IGSF10: variants seen among roughly 807,000 people sequenced by gnomAD.
The protein encoded by IGSF10 is calvaria mechanical force protein 608.
A neutral mutation model predicts 128.2 loss-of-function variants in IGSF10; 126 were observed. The observed-to-expected ratio is 0.98, with a 90% confidence interval of 0.85 to 1.14. The LOEUF (loss-of-function observed/expected upper bound fraction) is 1.14, where lower values mean the gene tolerates loss of function less well. IGSF10 is among the 50% of genes most tolerant of loss of function. The probability of loss-of-function intolerance (pLI) is 0.00; values close to 1 mark genes in which losing one functional copy is unlikely to be tolerated. For missense variants in IGSF10, 3,295 were observed against 3,149.8 expected, an observed-to-expected ratio of 1.05 and a Z score of -1.10; for synonymous variants, 1,185 against 1,146.2, an observed-to-expected ratio of 1.03 and a Z score of -0.68.
chr3:151,491,259 A>C, the IGSF10 span, among the ~76,000 whole-genome samples: 1 of 152,164 alleles, frequency 6.6e-6, no homozygotes, highest in African/African-American at 2.4e-5. Context: ...CAAATTGATA[A>C]ATTTCTAGGA....
At chr3:151,591,171 C>G in the IGSF10 span, among the ~76,000 whole-genome samples, 6 of 151,432 alleles carry the variant, frequency 4.0e-5, no homozygotes, top group Admixed American at 2.6e-4. Flanking sequence ...AGAAAAGATA[C>G]ATGTTGGCAT....
At chr3:151,450,399 A>G (rs533662719) in intron 5 of IGSF10, among the ~76,000 whole-genome samples, 71 of 152,268 alleles carry the variant, frequency 4.7e-4, no homozygotes, top group Non-Finnish European at 9.4e-4. Context: ...ATAGGGTCAA[A>G]TCTCCTTCCC....
chr3:151,617,256 C>T, the IGSF10 span, among the ~76,000 whole-genome samples: 2,552 of 86,922 alleles, frequency 0.029, 55 homozygotes, highest in African/African-American at 0.044. Context: ...CTCTTCTTCT[C>T]CTTCTCTTCT....
At chr3:151,617,309 TC>T in the IGSF10 span, among the ~76,000 whole-genome samples, 2 of 127,230 alleles carry the variant, frequency 1.6e-5, no homozygotes, top group East Asian at 4.7e-4. Context: ...TTCTTCTTCT[TC>T]TTCTTCTTCC....
Position 151,448,704 on chromosome 3 carries a change from G to T in IGSF10, c.1277C>A (p.Pro426His). 1 of 1,614,034 alleles carries T rather than the reference G, an allele frequency of 6.2e-7. No homozygotes were observed. The highest frequency in any genetic ancestry group is 8.5e-7 in the Non-Finnish European group (1 of 1,179,944). ...AATTTGGTCTTGCATTAACCAAGAG[G>T]GATCTGCTCTGAGATCTGCCTCTAT... The part of the protein sequence containing the change: ...TNIEADLRAD[P>H]SWLMQDQISL... Residue 426 changes from proline to histidine, a missense_variant, in exon 6 of 8, where the codon CCC becomes CAC. By Grantham distance (77) the Pro-to-His change is moderately conservative. Coordinates refer to ENST00000282466, the MANE Select transcript of IGSF10 (RefSeq NM_178822.5).
chr3:151,488,214 A>G, the IGSF10 span, among the ~76,000 whole-genome samples: 1 of 152,220 alleles, frequency 6.6e-6, no homozygotes, highest in Admixed American at 6.5e-5. Flanking sequence ...GTGAACTCCC[A>G]TTCACAATTG....
rs55730431 is a variant in IGSF10, at chr3:151,441,966, T to C, written c.5963+1018A>G. On this transcript the variant is annotated intron_variant, in intron 7 of 7. Transcript: ENST00000282466. Reference sequence around the variant, plus strand: ...GTCCCAGCTACTCAGGAGGCTGAGGTAGGAGAATGGCGTGAACCTGGGAGG... The same window carrying C: ...GTCCCAGCTACTCAGGAGGCTGAGGCAGGAGAATGGCGTGAACCTGGGAGG... Among the ~76,000 whole-genome samples, 199 of 152,098 alleles carry C rather than the reference T, an allele frequency of 1.3e-3. 1 individual carries two copies. The highest frequency in any genetic ancestry group is 1.9e-3 in the Admixed American group (29 of 15,284).
At chr3:151,493,839 G>T in the IGSF10 span, among the ~76,000 whole-genome samples, 2 of 117,432 alleles carry the variant, frequency 1.7e-5, no homozygotes, top group Non-Finnish European at 3.5e-5. Flanking sequence ...TTTTGTTTTT[G>T]GTTTTTGTTT....
chr3:151,552,757 C>T, the IGSF10 span, among the ~76,000 whole-genome samples: 6 of 152,190 alleles, frequency 3.9e-5, no homozygotes, highest in Admixed American at 2.6e-4. Context: ...AAATACCTCT[C>T]ATAGTTCGCT....
At chr3:151,545,521 C>T in the IGSF10 span, among the ~76,000 whole-genome samples, 1 of 152,140 alleles carries the variant, frequency 6.6e-6, no homozygotes, top group East Asian at 1.9e-4. Flanking sequence ...TATGGTTTAG[C>T]CCAATTTCTG....
At chr3:151,502,731 A>T in the IGSF10 span, among the ~76,000 whole-genome samples, 1 of 152,098 alleles carries the variant, frequency 6.6e-6, no homozygotes, top group East Asian at 1.9e-4. Flanking sequence ...TATTTGGACC[A>T]ACCTCTTACT....
At chr3:151,527,399 C>T in the IGSF10 span, among the ~76,000 whole-genome samples, 2 of 152,078 alleles carry the variant, frequency 1.3e-5, no homozygotes, top group Non-Finnish European at 2.9e-5. Context: ...CTTCTTGGCC[C>T]AATACATTTC....
the IGSF10 span, among the ~76,000 whole-genome samples, chr3:151,507,783 A>T: frequency 6.6e-6 from 1 of 152,230 alleles, no homozygotes; most frequent in Non-Finnish European, 1.5e-5. Flanking sequence ...ACTAAAATTC[A>T]AGATGAGATT....
the IGSF10 span, among the ~76,000 whole-genome samples, chr3:151,570,513 G>A: frequency 6.6e-6 from 1 of 152,128 alleles, no homozygotes; most frequent in Non-Finnish European, 1.5e-5. Context: ...TCATGTGTCT[G>A]TTGGCTGTAT....
Position 151,445,061 on chromosome 3 carries a change from C to CA in IGSF10, c.4919dup (p.Leu1640PhefsTer3). On this transcript the variant is annotated frameshift_variant, in exon 6 of 8. Transcript: ENST00000282466. LOFTEE classifies it high-confidence loss of function. ...TGGGCTTTTCAAATATATACCTAGACAAAGAGTCAAAGGGAAGGAGTTTGG... is the reference window on the plus strand; with the variant it reads ...TGGGCTTTTCAAATATATACCTAGACAAAAGAGTCAAAGGGAAGGAGTTTGG... 6.2e-7 allele frequency: 1 copy of CA among 1,614,182 alleles called. No homozygotes were observed. Among genetic ancestry groups the CA allele is most frequent in the Non-Finnish European group, 8.5e-7 (1 of 1,180,030 alleles).
At chr3:151,472,617 C>T in the IGSF10 span, among the ~76,000 whole-genome samples, 1 of 152,258 alleles carries the variant, frequency 6.6e-6, no homozygotes, top group Admixed American at 6.5e-5. Flanking sequence ...ATCAGATCCA[C>T]TTTTATTGGA....
chr3:151,494,011 CA>C, the IGSF10 span, among the ~76,000 whole-genome samples: 1 of 151,706 alleles, frequency 6.6e-6, no homozygotes, highest in Non-Finnish European at 1.5e-5. Flanking sequence ...AGAAAAAAAA[CA>C]AAAAATTTAT....
At chr3:151,484,420 G>C in the IGSF10 span, among the ~76,000 whole-genome samples, 826 of 152,250 alleles carry the variant, frequency 5.4e-3, 7 homozygotes, top group African/African-American at 0.018. Flanking sequence ...TGAGAGCAGC[G>C]GATCTCTCAG....
the IGSF10 span, among the ~76,000 whole-genome samples, chr3:151,542,741 C>T: frequency 6.6e-6 from 1 of 152,188 alleles, no homozygotes; most frequent in African/African-American, 2.4e-5. Context: ...ACTAACTATA[C>T]TGTAATCCTG....
Sources: allele counts gnomAD v4.1 joint callset (sites outside exome capture counted in the v4.1 genomes callset), GRCh38; gene constraint gnomAD v4.1.1; transcripts MANE v1.5; gene names NCBI Gene and HGNC (gene_info 2026-07-23, HGNC 2026-07-21).